ZNF398: variants seen among roughly 807,000 people sequenced by gnomAD.
ZNF398 encodes zinc finger protein 398, also known as zinc finger DNA binding protein ZER6.
Under a neutral mutation model 41.9 loss-of-function variants are expected in ZNF398, and 18 were observed. The observed-to-expected ratio is 0.43, with a 90% CI of 0.30 to 0.64. ZNF398 has a LOEUF of 0.64. Ranked by LOEUF, ZNF398 falls within the 30% of genes least tolerant of loss-of-function variation. The probability of loss-of-function intolerance (pLI) is 0.14; values close to 1 mark genes in which losing one functional copy is unlikely to be tolerated. For synonymous variants in ZNF398, 260 were observed against 308.8 expected (o/e 0.84, Z 1.66); for missense variants, 669 against 822.8 (o/e 0.81, Z 2.29).
intron 5 of ZNF398, 136 bp downstream of exon 5, chr7:149,176,717 T>G: frequency 1.8e-6 from 1 of 569,956 alleles, no homozygotes; most frequent in Non-Finnish European, 3.1e-6. Context: ...TGCTCAACAT[T>G]ATGAATGAAA....
chr7:149,134,346 C>T lies in ZNF398; in HGVS notation c.-490+5402C>T, dbSNP rs139497525. 2.9e-3 allele frequency among the ~76,000 whole-genome samples: 446 copies of T among 151,746 alleles called. 2 individuals are homozygous for T. The highest frequency in any genetic ancestry group is 0.01 in the African/African-American group (415 of 41,350). On this transcript the variant is annotated intron_variant, in intron 2 of 6. Coordinates refer to the ZNF398 transcript ENST00000426851. ...TAATCCAACCCCCCTCCCCACCGGC[C>T]TCCCAAAGTGCTAGGATTACAGGTG...
rs1218948828 is a variant in ZNF398, at chr7:149,176,395, G to A, written c.662-73G>A. On this transcript the variant is annotated intron_variant, in intron 4 of 5. Transcript: ENST00000475153. ...TATTTGGGGCAAAATATAGTGTTCA[G>A]CAAACCAACTTGATTATCTTACCTT... 8.6e-6 allele frequency: 9 copies of A among 1,050,708 alleles called. No individual in the cohort carries two copies. In the African/African-American group the frequency reaches 1.4e-4, roughly 16 times the overall value. 65.1% of individuals were successfully genotyped at this position (1,050,708 alleles called of 1,614,324 possible). A position where few individuals can be genotyped will look rare whatever the true frequency, so the allele number is the denominator to read the frequency against.
chr7:149,153,866 A>G, intron 1 of ZNF398, 79 bp from the exon 2 acceptor site: 1 of 1,463,996 alleles, frequency 6.8e-7, no homozygotes. Flanking sequence ...ACAGTTAAGC[A>G]GTCCTTATCT....
chr7:149,144,806 C>G (rs1826899734), upstream of ZNF398, among the ~76,000 whole-genome samples: 1 of 152,058 alleles, frequency 6.6e-6, no homozygotes, highest in African/African-American at 2.4e-5. Flanking sequence ...TCAGGCTGGT[C>G]TCCAACTCCT....
At chr7:149,159,749 G>A (rs1384655966) in intron 2 of ZNF398, among the ~76,000 whole-genome samples, 1 of 151,264 alleles carries the variant, frequency 6.6e-6, no homozygotes, top group East Asian at 1.9e-4. Flanking sequence ...TTGAGATGGA[G>A]TCTCACTCTG....
At chr7:149,142,499 C>G (rs529364043), upstream of ZNF398, among the ~76,000 whole-genome samples, 11 of 152,214 alleles carry the variant, frequency 7.2e-5, no homozygotes, top group Admixed American at 7.2e-4. Context: ...AACCCCGTCT[C>G]TACTAAAAAT....
At chr7:149,136,912 G>A (rs1355077565) in intron 2 of ZNF398, among the ~76,000 whole-genome samples, 2 of 150,576 alleles carry the variant, frequency 1.3e-5, no homozygotes, top group African/African-American at 2.4e-5. Flanking sequence ...TGTGGCCCAG[G>A]ATGGAGTGCA....
Position 149,147,472 on chromosome 7 carries a change from C to G in ZNF398, c.-271C>G. 3.7e-6 allele frequency: 1 copy of G among 272,976 alleles called. No individual in the cohort carries two copies. Among genetic ancestry groups the G allele is most frequent in the Non-Finnish European group, 6.8e-6 (1 of 147,544 alleles). 16.9% of individuals were successfully genotyped at this position (272,976 alleles called of 1,614,324 possible). Reference sequence around the variant, plus strand: ...CCCGGTGCACTCGCTGCCCACAAAGCGCCAGCTGAGGGGCCGCTGCGGGTG... The same window carrying G: ...CCCGGTGCACTCGCTGCCCACAAAGGGCCAGCTGAGGGGCCGCTGCGGGTG... On this transcript the variant is annotated 5_prime_UTR_variant, in exon 1 of 6. Coordinates refer to ENST00000475153, the MANE Select transcript of ZNF398 (RefSeq NM_170686.3). This position sits in a 1 kb window ranked among gnomAD's most constrained non-coding sequence, Gnocchi z 5.6.
intron 2 of ZNF398, among the ~76,000 whole-genome samples, chr7:149,165,848 A>G (rs1795216334): frequency 6.6e-6 from 1 of 152,238 alleles, no homozygotes; most frequent in African/African-American, 2.4e-5. Flanking sequence ...TCAAAGACTC[A>G]ATAAAGCTTG....
At position 149,147,752 on chromosome 7, in the gene ZNF398, G is replaced by GCGGCCC. The variant is rs1408690689; in HGVS notation, c.20_24+1dup. ...TAGACAGCGCAGGGCCATGGCTGAG[G>GCGGCCC]CGGCCCCGGCCCCGGTAAGGGCGGC... On this transcript the variant is annotated inframe_insertion, in exon 1 of 6. Coordinates refer to ENST00000475153, the MANE Select transcript of ZNF398 (RefSeq NM_170686.3). This position sits in a 1 kb window ranked among gnomAD's most constrained non-coding sequence, Gnocchi z 5.6. The GCGGCCC allele has an allele frequency of 1.4e-6, 2 of 1,383,888 alleles. No homozygotes were observed. Among genetic ancestry groups the GCGGCCC allele is most frequent in the African/African-American group, 1.5e-5 (1 of 65,934 alleles). 85.7% of individuals were successfully genotyped at this position (1,383,888 alleles called of 1,614,324 possible). A position where few individuals can be genotyped will look rare whatever the true frequency, so the allele number is the denominator to read the frequency against.
chr7:149,166,877 C>A lies in ZNF398; in HGVS notation c.608C>A (p.Thr203Lys). ...SQIQPEGEHN[T>K]EDQAGPEESE... ...ATTCAACCAGAAGGGGAACATAATA[C>A]AGAGGACCAGGCAGGGCCAGAGGAA... The change falls in exon 4 of 6, where the codon ACA becomes AAA. Residue 203 changes from threonine to lysine, a missense_variant. Around this residue, in one of 3 missense-constraint regions of ZNF398, gnomAD observed 290 missense variants for 292.9 expected, o/e 0.99. Transcript: ENST00000475153. 9 of 1,613,242 alleles carry A rather than the reference C, an allele frequency of 5.6e-6. No homozygotes were observed. The highest frequency in any genetic ancestry group is 7.6e-6 in the Non-Finnish European group (9 of 1,179,398).
chr7:149,144,406 G>T (rs1036229441), upstream of ZNF398, among the ~76,000 whole-genome samples: 21 of 152,094 alleles, frequency 1.4e-4, no homozygotes, highest in African/African-American at 4.3e-4. Flanking sequence ...AACCTCCCTG[G>T]CTCAAGTGAT....
chr7:149,167,862 C>T (rs1052314833), intron 4 of ZNF398, among the ~76,000 whole-genome samples: 5 of 152,094 alleles, frequency 3.3e-5, no homozygotes, highest in Non-Finnish European at 7.4e-5. Flanking sequence ...CCACCCGCCT[C>T]GGCCTCCCAA....
chr7:149,127,432 C>G (rs1826504812), intron 1 of ZNF398, among the ~76,000 whole-genome samples: 1 of 150,992 alleles, frequency 6.6e-6, no homozygotes, highest in Admixed American at 6.6e-5. Context: ...TTCGGATGGG[C>G]GCGGTGCCTC....
chr7:149,141,063 AT>A (rs1385067799), intron 2 of ZNF398, among the ~76,000 whole-genome samples: 1 of 139,588 alleles, frequency 7.2e-6, no homozygotes, highest in African/African-American at 2.8e-5. Context: ...AAAAAAAAAA[AT>A]CCCTATTTGG....
chr7:149,131,815 C>T (rs180937286), intron 2 of ZNF398, among the ~76,000 whole-genome samples: 77 of 152,116 alleles, frequency 5.1e-4, no homozygotes, highest in African/African-American at 1.6e-3. Flanking sequence ...TTTGAAGTAG[C>T]GGGGAGGGTT....
intron 2 of ZNF398, among the ~76,000 whole-genome samples, chr7:149,137,515 G>C (rs986069796): frequency 1.3e-5 from 2 of 152,142 alleles, no homozygotes; most frequent in Non-Finnish European, 2.9e-5. Flanking sequence ...CTGAGTAGCT[G>C]GGATAACATG....
At chr7:149,127,771 T>C (rs1339419977) in intron 1 of ZNF398, among the ~76,000 whole-genome samples, 1 of 152,056 alleles carries the variant, frequency 6.6e-6, no homozygotes, top group Non-Finnish European at 1.5e-5. Context: ...GGTGTAAAGT[T>C]CTATGAATTT....
At chr7:149,131,799 A>G (rs1279067725) in intron 2 of ZNF398, among the ~76,000 whole-genome samples, 2 of 152,226 alleles carry the variant, frequency 1.3e-5, no homozygotes, top group East Asian at 1.9e-4. Flanking sequence ...TAGCATTTCT[A>G]TTGAATTTGA....
Sources: allele counts gnomAD v4.1 joint callset (sites outside exome capture counted in the v4.1 genomes callset), GRCh38; gene constraint gnomAD v4.1.1; regional missense constraint gnomAD v4.1.1; non-coding constraint Gnocchi (gnomAD v3.1); transcripts MANE v1.5; gene names NCBI Gene and HGNC (gene_info 2026-07-23, HGNC 2026-07-21).